Variants in ARHGEF9 observed in about 807,000 individuals in gnomAD.
ARHGEF9 encodes the protein Cdc42 guanine nucleotide exchange factor 9, also known as rho guanine nucleotide exchange factor 9.
Under a neutral mutation model 41.3 loss-of-function variants are expected in ARHGEF9, and 2 were observed. That is an observed-to-expected ratio of 0.05 (90% CI 0.02 to 0.15). The LOEUF (loss-of-function observed/expected upper bound fraction) is 0.15. ARHGEF9 is among the 10% of genes least tolerant of loss of function. The pLI is 1.00. For missense variants in ARHGEF9, 225 were observed against 424.7 expected (o/e 0.53, Z 4.13); for synonymous variants, 160 against 154.4 (o/e 1.04, Z -0.27).
intron 1 of ARHGEF9, chrX:63,767,315 C>A: frequency 1.4e-6 from 1 of 689,946 alleles, no homozygotes; most frequent in Middle Eastern, 5.1e-4. Flanking sequence ...TTTGATGAGG[C>A]TTCCAAGAAT....
intron 1 of ARHGEF9, chrX:63,755,218 A>G: frequency 2.1e-6 from 2 of 938,486 alleles, no homozygotes; most frequent in Non-Finnish European, 2.6e-6. Flanking sequence ...CCGCCGACCA[A>G]TAACAGATGC....
At chrX:63,770,566 T>C (rs1207333627) in intron 1 of ARHGEF9, among the ~76,000 whole-genome samples, 1 of 112,339 alleles carries the variant, frequency 8.9e-6, no homozygotes, top group Non-Finnish European at 1.9e-5. Flanking sequence ...AAATTGGTTT[T>C]AAAATGTAAA....
chrX:63,646,301 G>A (rs1346446870), intron 8 of ARHGEF9, among the ~76,000 whole-genome samples: 2 of 111,985 alleles, frequency 1.8e-5, no homozygotes, highest in South Asian at 3.7e-4. Flanking sequence ...TGAAGTCCTT[G>A]CCCATGCGTA....
chrX:63,726,036 T>C (rs782397052), intron 1 of ARHGEF9, among the ~76,000 whole-genome samples: 10 of 111,956 alleles, frequency 8.9e-5, no homozygotes, highest in Non-Finnish European at 1.5e-4. Context: ...TACGAACACA[T>C]ATATATGAAC....
In ARHGEF9 at chrX:63,753,740, G is replaced by T. The variant is rs1218215002; in HGVS notation, c.31-29029C>A. ...AATATCTTAAAGCTTTAAGGTTCAA[G>T]AAGTGTTTTAAATGTGGCTTCTTTC... On this transcript the variant is annotated intron_variant, in intron 1 of 9. Transcript: ENST00000671741. Among the ~76,000 whole-genome samples the T allele has an allele frequency of 4.5e-5, 5 of 111,549 alleles. No individual in the cohort carries two copies. In the East Asian group the frequency reaches 8.4e-4, roughly 19 times the overall value.
chrX:63,655,191 G>A (rs2048804361), intron 8 of ARHGEF9, among the ~76,000 whole-genome samples: 2 of 111,899 alleles, frequency 1.8e-5, no homozygotes, highest in African/African-American at 6.5e-5. Context: ...TACAGAACAG[G>A]TTGTATAACT....
intron 2 of ARHGEF9, among the ~76,000 whole-genome samples, chrX:63,718,111 T>A (rs2053423268): frequency 1.8e-5 from 2 of 111,236 alleles, no homozygotes; most frequent in African/African-American, 6.5e-5. Flanking sequence ...AGTGACCCTC[T>A]AATATAGAGG....
chrX:63,652,737 C>T (rs1280540163), intron 8 of ARHGEF9, among the ~76,000 whole-genome samples: 3 of 111,321 alleles, frequency 2.7e-5, no homozygotes, highest in East Asian at 2.8e-4. Context: ...GCCCCTGATA[C>T]GGTTTGGCTC....
At chrX:63,773,902 T>G (rs1340190863) in intron 1 of ARHGEF9, among the ~76,000 whole-genome samples, 1 of 110,709 alleles carries the variant, frequency 9.0e-6, no homozygotes, top group African/African-American at 3.3e-5. Context: ...GCTTTCAGAC[T>G]GGCATTCACA....
intron 4 of ARHGEF9, among the ~76,000 whole-genome samples, chrX:63,680,869 C>CA (rs782755661): frequency 4.6e-5 from 5 of 109,167 alleles, no homozygotes; most frequent in South Asian, 4.0e-4. Flanking sequence ...AACAAACAAA[C>CA]AACAACAACA....
At chrX:63,740,897 G>A (rs1191371926) in intron 1 of ARHGEF9, among the ~76,000 whole-genome samples, 3 of 111,901 alleles carry the variant, frequency 2.7e-5, no homozygotes, top group East Asian at 2.8e-4. Flanking sequence ...CCAAGCTGCT[G>A]TGCCTAGGGG....
intron 7 of ARHGEF9, among the ~76,000 whole-genome samples, chrX:63,661,745 T>C (rs1328711569): frequency 9.0e-6 from 1 of 110,987 alleles, no homozygotes; most frequent in African/African-American, 3.3e-5. Context: ...CCACGTACTC[T>C]CTTGCTCTCC....
At chrX:63,761,431 T>G in intron 1 of ARHGEF9, among the ~76,000 whole-genome samples, 1 of 112,110 alleles carries the variant, frequency 8.9e-6, no homozygotes, top group East Asian at 2.8e-4. Flanking sequence ...ATAAATATAT[T>G]TTTAATGACT....
At chrX:63,649,445 T>C (rs1179122971) in intron 8 of ARHGEF9, among the ~76,000 whole-genome samples, 1 of 110,905 alleles carries the variant, frequency 9.0e-6, no homozygotes, top group African/African-American at 3.3e-5. Flanking sequence ...AAGCAGTGTG[T>C]AGAGGGAAAT....
intron 5 of ARHGEF9, among the ~76,000 whole-genome samples, chrX:63,677,525 T>A (rs1556363662): frequency 9.0e-6 from 1 of 111,214 alleles, no homozygotes; most frequent in African/African-American, 3.3e-5. Flanking sequence ...TTAATACAGA[T>A]TCCTGAGACC....
intron 2 of ARHGEF9, among the ~76,000 whole-genome samples, chrX:63,708,125 G>T (rs2052675900): frequency 9.1e-6 from 1 of 109,357 alleles, no homozygotes; most frequent in African/African-American, 3.3e-5. Flanking sequence ...CAAAAGAATA[G>T]ACCTGGGCAA....
At chrX:63,668,706 C>G (rs1480692042) in intron 6 of ARHGEF9, among the ~76,000 whole-genome samples, 2 of 112,227 alleles carry the variant, frequency 1.8e-5, no homozygotes, top group African/African-American at 6.5e-5. Flanking sequence ...ATTTTCTTGA[C>G]TATTACTGTG....
chrX:63,690,835 C>G (rs1156400994), intron 4 of ARHGEF9, among the ~76,000 whole-genome samples: 1 of 111,857 alleles, frequency 8.9e-6, no homozygotes, highest in Non-Finnish European at 1.9e-5. Context: ...TCAACATATG[C>G]AAATAAATAA....
intron 1 of ARHGEF9, among the ~76,000 whole-genome samples, chrX:63,780,631 A>AAAAAC (rs781849788): frequency 1.8e-5 from 2 of 112,615 alleles, no homozygotes; most frequent in African/African-American, 6.5e-5. Flanking sequence ...CAACAACAAC[A>AAAAAC]AAAACAAAAC....
Sources: allele counts gnomAD v4.1 joint callset (sites outside exome capture counted in the v4.1 genomes callset), GRCh38; gene constraint gnomAD v4.1.1; transcripts MANE v1.5; gene names NCBI Gene and HGNC (gene_info 2026-07-23, HGNC 2026-07-21).